Variants in AUTS2 observed in about 807,000 individuals in gnomAD.
AUTS2 encodes autism susceptibility gene 2 protein.
In AUTS2, 17 loss-of-function variants were observed where a neutral mutation model predicts 112.4. The observed-to-expected ratio is 0.15, with a 90% CI of 0.10 to 0.23. The LOEUF is 0.23. Among genes scored for constraint, AUTS2 ranks in the 10% least tolerant of loss-of-function variants. The probability of loss-of-function intolerance (pLI) is 1.00; values close to 1 mark genes in which losing one functional copy is unlikely to be tolerated. For synonymous variants in AUTS2, 751 were observed against 702.7 expected, an observed-to-expected ratio of 1.07 and a Z score of -1.09; for missense variants, 1,510 against 1,701.6, an observed-to-expected ratio of 0.89 and a Z score of 1.98.
chr7:69,942,754 G>A (rs986946545), intron 2 of AUTS2, among the ~76,000 whole-genome samples: 3 of 152,216 alleles, frequency 2.0e-5, no homozygotes, highest in African/African-American at 4.8e-5. Context: ...TGATTTGCAT[G>A]AATTTCTGTA....
intron 5 of AUTS2, among the ~76,000 whole-genome samples, chr7:70,563,022 G>A (rs946210084): frequency 2.0e-5 from 3 of 152,168 alleles, no homozygotes; most frequent in Non-Finnish European, 4.4e-5. Context: ...TTTAAGGGTA[G>A]AGCTAGGAAA....
chr7:70,572,450 C>T (rs1222638619), intron 5 of AUTS2, among the ~76,000 whole-genome samples: 2 of 29,678 alleles, frequency 6.7e-5, no homozygotes, highest in African/African-American at 1.3e-4. Context: ...TAAGAGAAGG[C>T]AGGGATGGGG....
At chr7:70,045,784 CTT>C (rs746154629) in intron 2 of AUTS2, among the ~76,000 whole-genome samples, 13 of 126,794 alleles carry the variant, frequency 1.0e-4, no homozygotes, top group African/African-American at 2.4e-4. Flanking sequence ...AATTTTCTAC[CTT>C]TTTTTTTTTT....
chr7:69,967,993 G>A lies in AUTS2; in HGVS notation c.522+68495G>A, dbSNP rs138747957. ...TCTTTGCTTGCAATCTGACGTTGCCGCTGACCAAGTGGAAGCAATCTTCAG... is the reference window on the plus strand; with the variant it reads ...TCTTTGCTTGCAATCTGACGTTGCCACTGACCAAGTGGAAGCAATCTTCAG... On this transcript the variant is annotated intron_variant, in intron 2 of 18. Coordinates refer to ENST00000342771, the MANE Select transcript of AUTS2 (RefSeq NM_015570.4). 1.4e-4 allele frequency among the ~76,000 whole-genome samples: 22 copies of A among 152,266 alleles called. No homozygotes were observed. The East Asian group carries it at 3.5e-3, about 24-fold the overall frequency.
At chr7:70,381,003 T>C (rs1353518962) in intron 4 of AUTS2, among the ~76,000 whole-genome samples, 2 of 152,226 alleles carry the variant, frequency 1.3e-5, no homozygotes, top group Non-Finnish European at 2.9e-5. Flanking sequence ...ATACCTCTTA[T>C]GGAGATGGTC....
intron 1 of AUTS2, among the ~76,000 whole-genome samples, chr7:69,771,758 G>T (rs1482627397): frequency 6.6e-6 from 1 of 151,364 alleles, no homozygotes; most frequent in East Asian, 1.9e-4. Flanking sequence ...TTTCGGTTCA[G>T]TCTCATACCT....
intron 5 of AUTS2, among the ~76,000 whole-genome samples, chr7:70,508,274 G>T (rs1032816301): frequency 6.6e-6 from 1 of 152,054 alleles, no homozygotes; most frequent in Non-Finnish European, 1.5e-5. Flanking sequence ...CAAAAAGGAG[G>T]GGGGTAGGGA....
At position 70,576,830 on chromosome 7, in the gene AUTS2, A is replaced by G. The variant is rs145393011; in HGVS notation, c.691-121739A>G. Among the ~76,000 whole-genome samples, 302 of 152,362 alleles carry G rather than the reference A, an allele frequency of 2.0e-3. 1 individual carries two copies. The highest frequency in any genetic ancestry group is 6.8e-3 in the African/African-American group (284 of 41,584). On this transcript the variant is annotated intron_variant, in intron 5 of 18. Coordinates refer to ENST00000342771, the MANE Select transcript of AUTS2 (RefSeq NM_015570.4). Reference sequence around the variant, plus strand: ...AAAAGTGTTGGATTAGATCAAATTAAGCAAAGCAGTGGAGAGGGCAATATT... The same window carrying G: ...AAAAGTGTTGGATTAGATCAAATTAGGCAAAGCAGTGGAGAGGGCAATATT...
At chr7:70,373,109 G>A (rs1051563613) in intron 4 of AUTS2, among the ~76,000 whole-genome samples, 1 of 151,840 alleles carries the variant, frequency 6.6e-6, no homozygotes, top group African/African-American at 2.4e-5. Context: ...ATTTATGGAG[G>A]TTGCTCAAGA....
chr7:70,234,885 C>T (rs1339732653), intron 4 of AUTS2, among the ~76,000 whole-genome samples: 3 of 152,130 alleles, frequency 2.0e-5, no homozygotes, highest in African/African-American at 4.8e-5. Flanking sequence ...TGCTCACCGT[C>T]CTATGGCAGG....
intron 5 of AUTS2, among the ~76,000 whole-genome samples, chr7:70,585,829 TAAAG>T (rs1466540610): frequency 7.0e-6 from 1 of 142,928 alleles, no homozygotes; most frequent in Non-Finnish European, 1.5e-5. Flanking sequence ...ACCAATGAAA[TAAAG>T]ATTTATTTAT....
intron 4 of AUTS2, among the ~76,000 whole-genome samples, chr7:70,151,099 G>A (rs1195210225): frequency 2.0e-5 from 3 of 152,134 alleles, no homozygotes; most frequent in Non-Finnish European, 4.4e-5. Flanking sequence ...TTCTGCATTA[G>A]GAGAAGATAC....
intron 1 of AUTS2, among the ~76,000 whole-genome samples, chr7:69,867,895 A>G (rs1479993261): frequency 2.0e-5 from 3 of 152,214 alleles, no homozygotes; most frequent in Non-Finnish European, 4.4e-5. Context: ...ATCTAGATAA[A>G]CAAATAATTA....
chr7:69,959,387 G>A (rs1006200305), intron 2 of AUTS2, among the ~76,000 whole-genome samples: 3 of 152,082 alleles, frequency 2.0e-5, no homozygotes, highest in Non-Finnish European at 4.4e-5. Flanking sequence ...TTTTACAAAT[G>A]AGCAGTAATT....
chr7:70,217,180 T>C (rs1353114848), intron 4 of AUTS2, among the ~76,000 whole-genome samples: 1 of 152,162 alleles, frequency 6.6e-6, no homozygotes, highest in Non-Finnish European at 1.5e-5. Context: ...AGAAGAAAAG[T>C]TGGATGAGGA....
chr7:70,693,291 A>G (rs113378109), intron 5 of AUTS2, among the ~76,000 whole-genome samples: 168 of 152,332 alleles, frequency 1.1e-3, no homozygotes, highest in African/African-American at 4.0e-3. Flanking sequence ...TAGGGGATAC[A>G]GACACGATAC....
intron 2 of AUTS2, among the ~76,000 whole-genome samples, chr7:70,011,809 T>A (rs1799818664): frequency 6.6e-6 from 1 of 152,202 alleles, no homozygotes; most frequent in Non-Finnish European, 1.5e-5. Context: ...CCATGCGACC[T>A]TTCAGCCCTT....
At chr7:69,948,814 ATTTATTTT>A (rs979280487) in intron 2 of AUTS2, among the ~76,000 whole-genome samples, 10 of 146,884 alleles carry the variant, frequency 6.8e-5, no homozygotes, top group Admixed American at 3.4e-4. Flanking sequence ...TTATTTATTT[ATTTATTTT>A]GAGACAGAGT....
intron 1 of AUTS2, among the ~76,000 whole-genome samples, chr7:69,729,871 A>C (rs1376027697): frequency 6.6e-6 from 1 of 152,028 alleles, no homozygotes; most frequent in African/African-American, 2.4e-5. Context: ...ATTATTTAAA[A>C]AGTTGTTCTT....
Sources: gnomAD v4.1 joint callset for allele counts (sites outside exome capture counted in the v4.1 genomes callset) on GRCh38, gnomAD v4.1.1 for gene constraint, MANE v1.5 for transcripts, NCBI Gene and HGNC (gene_info 2026-07-23, HGNC 2026-07-21) for gene names.